The following ABL1 variants were observed in gnomAD, a reference collection of about 807,000 sequenced individuals.
ABL1 encodes ABL proto-oncogene 1, non-receptor tyrosine kinase.
A neutral mutation model predicts 94.7 loss-of-function variants in ABL1; 11 were observed. That is an observed-to-expected ratio of 0.12 (90% CI 0.07 to 0.19). The LOEUF (loss-of-function observed/expected upper bound fraction) is 0.19. Ranked by LOEUF, ABL1 falls within the 10% of genes least tolerant of loss-of-function variation. The probability of loss-of-function intolerance (pLI) is 1.00; values close to 1 mark genes in which losing one functional copy is unlikely to be tolerated. For missense variants in ABL1, 1,082 were observed against 1,489.4 expected (o/e 0.73, Z 4.50); for synonymous variants, 656 against 622.4 (o/e 1.05, Z -0.80).
At chr9:130,829,615 G>C (rs1830470416) in intron 1 of ABL1, among the ~76,000 whole-genome samples, 1 of 150,574 alleles carries the variant, frequency 6.6e-6, no homozygotes, top group Non-Finnish European at 1.5e-5. Context: ...AAATGTTTTA[G>C]TGATTGGAAA....
chr9:130,792,397 C>T (rs1427238118), intron 1 of ABL1, among the ~76,000 whole-genome samples: 4 of 152,172 alleles, frequency 2.6e-5, no homozygotes, highest in Non-Finnish European at 4.4e-5. Flanking sequence ...GACAGGATGA[C>T]TTTAATTTCA....
chr9:130,884,296 C>T lies in ABL1; in HGVS notation c.2006C>T (p.Pro669Leu). The change falls in exon 11 of 11, where the codon CCC (proline) becomes CTC (leucine). Residue 669 changes from proline to leucine, a missense_variant. By Grantham distance (98) the Pro-to-Leu change is moderately conservative. Transcript: ENST00000318560. This position sits in a 1 kb window ranked among gnomAD's most constrained non-coding sequence, Gnocchi z 5.6. ...AAGCCCAGCAATGGGGCTGGGGTCC[C>T]CAATGGAGCCCTCCGGGAGTCCGGG... is the stretch of plus-strand genomic sequence containing the variant. The part of the protein sequence containing the change: ...SPKPSNGAGV[P>L]NGALRESGGS... 6.2e-7 allele frequency: 1 copy of T among 1,608,096 alleles called. No individual in the cohort carries two copies. Among genetic ancestry groups the T allele is most frequent in the Non-Finnish European group, 8.5e-7 (1 of 1,177,454 alleles).
chr9:130,846,041 T>G (rs1456926833), intron 1 of ABL1, among the ~76,000 whole-genome samples: 2 of 151,998 alleles, frequency 1.3e-5, no homozygotes, highest in African/African-American at 4.8e-5. Flanking sequence ...GTTTTGGGAT[T>G]TGAAGATAAC....
At chr9:130,793,954 T>A (rs1829941163) in intron 1 of ABL1, among the ~76,000 whole-genome samples, 1 of 152,134 alleles carries the variant, frequency 6.6e-6, no homozygotes, top group African/African-American at 2.4e-5. Flanking sequence ...TGCCTGAGGA[T>A]CTCTCATTGT....
intron 1 of ABL1, among the ~76,000 whole-genome samples, chr9:130,716,689 T>G (rs1176123501): frequency 6.6e-6 from 1 of 152,134 alleles, no homozygotes; most frequent in Admixed American, 6.6e-5. Context: ...AAACAACAGG[T>G]AGCATTTGTT....
chr9:130,770,482 G>A (rs1328482518), intron 1 of ABL1, among the ~76,000 whole-genome samples: 1 of 152,158 alleles, frequency 6.6e-6, no homozygotes, highest in Non-Finnish European at 1.5e-5. Flanking sequence ...ACTCCAGCCT[G>A]GGCCACAGCA....
At chr9:130,771,240 G>GTGTATGTATGTATGTATGTATGTATGTA (rs60782706) in intron 1 of ABL1, among the ~76,000 whole-genome samples, 1 of 151,694 alleles carries the variant, frequency 6.6e-6, no homozygotes, top group African/African-American at 2.4e-5. Flanking sequence ...ATGTGTGTGT[G>GTGTATGTATGTATGTATGTATGTATGTA]TGTATGTATG....
chr9:130,818,881 A>G (rs370974851), intron 1 of ABL1, among the ~76,000 whole-genome samples: 74 of 152,224 alleles, frequency 4.9e-4, no homozygotes, highest in South Asian at 4.8e-3. Context: ...TGCATTTCCA[A>G]TTTCTCCCCC....
rs1830263318 is a variant in ABL1, at chr9:130,814,925, C to A, written c.137-39139C>A. On this transcript the variant is annotated intron_variant, in intron 1 of 10. Coordinates refer to the ABL1 transcript ENST00000372348. This position sits in a 1 kb window ranked among gnomAD's most constrained non-coding sequence, Gnocchi z 4.4. Reference sequence around the variant, plus strand: ...TAAAGTTTAGTAAAATAAAAAAAATCAGTAAAATACAAATAAAATTTAGTA... The same window carrying A: ...TAAAGTTTAGTAAAATAAAAAAAATAAGTAAAATACAAATAAAATTTAGTA... 6.9e-6 allele frequency among the ~76,000 whole-genome samples: 1 copy of A among 145,932 alleles called. No individual in the cohort carries two copies. The highest frequency in any genetic ancestry group is 1.5e-5 in the Non-Finnish European group (1 of 67,930).
chr9:130,881,488 G>T (rs1041580831), intron 10 of ABL1, among the ~76,000 whole-genome samples: 1 of 152,158 alleles, frequency 6.6e-6, no homozygotes, highest in Non-Finnish European at 1.5e-5. Context: ...CTTACTTGGC[G>T]GCAGGCAAGA....
rs1316676763 is a variant in ABL1 at position 130,725,116 on chromosome 9, T to A, written c.136+10661T>A. 3.1e-5 allele frequency: 6 copies of A among 195,216 alleles called. No homozygotes were observed. The East Asian group carries it at 7.7e-4, about 25-fold the overall frequency. 12.1% of individuals were successfully genotyped at this position (195,216 alleles called of 1,614,324 possible). The stretch of plus-strand genomic sequence containing the variant: ...AGAAAAGTTACCATTTTAACCTGTT[T>A]AGGTGTATAACTCAGTGGCATTAAG... On this transcript the variant is annotated intron_variant, in intron 1 of 10. Coordinates refer to the ABL1 transcript ENST00000372348.
intron 4 of ABL1, among the ~76,000 whole-genome samples, chr9:130,866,033 A>T (rs1243787974): frequency 6.6e-6 from 1 of 152,174 alleles, no homozygotes; most frequent in African/African-American, 2.4e-5. Context: ...TGGATTTTCT[A>T]ATTTGGAGTG....
At chr9:130,757,666 G>A (rs1832058018) in intron 1 of ABL1, among the ~76,000 whole-genome samples, 1 of 149,868 alleles carries the variant, frequency 6.7e-6, no homozygotes, top group South Asian at 2.2e-4. Context: ...AGCCTCCCGA[G>A]TAGCTGGGAC....
intron 1 of ABL1, among the ~76,000 whole-genome samples, chr9:130,852,608 G>C (rs1830888294): frequency 6.6e-6 from 1 of 152,052 alleles, no homozygotes; most frequent in South Asian, 2.1e-4. Context: ...TATTTGATTT[G>C]CTGGTTTGCA....
chr9:130,801,539 C>T (rs1830054621), intron 1 of ABL1, among the ~76,000 whole-genome samples: 1 of 152,208 alleles, frequency 6.6e-6, no homozygotes, highest in Non-Finnish European at 1.5e-5. Flanking sequence ...AATGGATTTT[C>T]TTTGTTTTCT....
intron 1 of ABL1, among the ~76,000 whole-genome samples, chr9:130,783,908 G>A (rs1456357922): frequency 1.3e-5 from 2 of 151,998 alleles, no homozygotes; most frequent in South Asian, 4.2e-4. Flanking sequence ...TGCCCACCTC[G>A]GCCTCCCAAA....
In ABL1 at chr9:130,769,033, C is replaced by T. The variant is rs60108063; in HGVS notation, c.136+54578C>T. Among the ~76,000 whole-genome samples, 571 of 152,118 alleles carry T rather than the reference C, an allele frequency of 3.8e-3. 4 individuals carry two copies. Among genetic ancestry groups the T allele is most frequent in the African/African-American group, 7.8e-3 (323 of 41,484 alleles). On this transcript the variant is annotated intron_variant, in intron 1 of 10. Coordinates refer to the ABL1 transcript ENST00000372348. ...GTTATCTTTTGAGAGTGGAATGGAT[C>T]GGGGTGGGTATGGCCTGGGGACGTG...
At chr9:130,873,807 C>T (rs999291176) in intron 6 of ABL1, among the ~76,000 whole-genome samples, 1 of 152,170 alleles carries the variant, frequency 6.6e-6, no homozygotes, top group African/African-American at 2.4e-5. Context: ...CCACTGTGAC[C>T]TTTCCTACCC....
intron 7 of ABL1, 81 bp downstream of exon 7, chr9:130,875,133 C>CT: frequency 7.0e-7 from 1 of 1,420,436 alleles, no homozygotes; most frequent in South Asian, 1.4e-5. Flanking sequence ...TCTTCCCTTT[C>CT]TTTTCTTCCT....
Sources: gnomAD v4.1 joint callset for allele counts (sites outside exome capture counted in the v4.1 genomes callset) on GRCh38, gnomAD v4.1.1 for gene constraint, Gnocchi (gnomAD v3.1) non-coding constraint, MANE v1.5 for transcripts, NCBI Gene and HGNC (gene_info 2026-07-23, HGNC 2026-07-21) for gene names.